RPTOR: variants seen among roughly 807,000 people sequenced by gnomAD.
RPTOR encodes the protein regulatory-associated protein of mTOR.
In RPTOR, 21 loss-of-function variants were observed where a neutral mutation model predicts 169.9. The ratio of observed to expected loss-of-function variants is 0.12; its 90% CI spans 0.09 to 0.18. The LOEUF is 0.18. Ranked by LOEUF, RPTOR falls within the 10% of genes least tolerant of loss-of-function variation. The pLI, the probability that RPTOR is intolerant of heterozygous loss-of-function variation, is 1.00. For missense variants in RPTOR, 1,133 were observed against 1,855.9 expected, an observed-to-expected ratio of 0.61 and a Z score of 7.16; for synonymous variants, 732 against 753.2, an observed-to-expected ratio of 0.97 and a Z score of 0.46.
intron 1 of RPTOR, among the ~76,000 whole-genome samples, chr17:80,565,974 G>A (rs1378589649): frequency 1.3e-5 from 2 of 152,222 alleles, no homozygotes; most frequent in Non-Finnish European, 2.9e-5. Flanking sequence ...TTTCTCATTG[G>A]TTTAAAGTCC....
intron 1 of RPTOR, among the ~76,000 whole-genome samples, chr17:80,550,045 A>G (rs2084325624): frequency 6.6e-6 from 1 of 152,130 alleles, no homozygotes; most frequent in Non-Finnish European, 1.5e-5. Flanking sequence ...CTGTTCAACT[A>G]ATACATGGAC....
chr17:80,846,371 C>A (rs2067730390), intron 10 of RPTOR, 102 bp from the exon 11 acceptor site: 1 of 1,164,038 alleles, frequency 8.6e-7, no homozygotes, highest in Non-Finnish European at 1.3e-6. Flanking sequence ...GCAGGGCGGG[C>A]CCTTCGTGAA....
intron 4 of RPTOR, among the ~76,000 whole-genome samples, chr17:80,712,767 C>T (rs1283462912): frequency 1.3e-5 from 2 of 152,178 alleles, no homozygotes; most frequent in Admixed American, 6.5e-5. Context: ...ATGTCTACGC[C>T]GTTTTGCATT....
intron 1 of RPTOR, among the ~76,000 whole-genome samples, chr17:80,601,453 C>T (rs1041509248): frequency 1.3e-5 from 2 of 152,030 alleles, no homozygotes; most frequent in African/African-American, 2.4e-5. Context: ...GGTCAGGCCC[C>T]GCAGATGGGC....
At chr17:80,888,474 T>C (rs2068275864) in intron 17 of RPTOR, among the ~76,000 whole-genome samples, 1 of 152,204 alleles carries the variant, frequency 6.6e-6, no homozygotes, top group Admixed American at 6.5e-5. Flanking sequence ...AAGACAAATA[T>C]TAGCCAGTGC....
At chr17:80,775,574 C>T (rs1161881128) in intron 6 of RPTOR, among the ~76,000 whole-genome samples, 1 of 152,192 alleles carries the variant, frequency 6.6e-6, no homozygotes, top group Non-Finnish European at 1.5e-5. Context: ...CTTTTTAGCT[C>T]AGAAATACTG....
intron 3 of RPTOR, among the ~76,000 whole-genome samples, chr17:80,666,572 G>A (rs1370884586): frequency 6.6e-6 from 1 of 152,222 alleles, no homozygotes; most frequent in African/African-American, 2.4e-5. Flanking sequence ...CACTTTGCTA[G>A]TTGCTGTGGA....
chr17:80,945,893 A>C, intron 26 of RPTOR, 112 bp downstream of exon 26: 3 of 576,666 alleles, frequency 5.2e-6, no homozygotes, highest in Non-Finnish European at 5.7e-6. Context: ...CAAGGCACTC[A>C]CCCCGAGGCC....
intron 16 of RPTOR, 142 bp downstream of exon 16, chr17:80,884,114 G>A (rs568554462): frequency 3.6e-6 from 3 of 830,952 alleles, no homozygotes; most frequent in East Asian, 5.4e-5. Context: ...AGGACAGTGG[G>A]ACCTTGGTGA....
At chr17:80,919,750 A>T (rs1409986164) in intron 21 of RPTOR, among the ~76,000 whole-genome samples, 1 of 152,170 alleles carries the variant, frequency 6.6e-6, no homozygotes, top group East Asian at 1.9e-4. Flanking sequence ...CTGTTAGCAA[A>T]GTCGTATCTG....
At chr17:80,675,584 T>C (rs1331058543) in intron 3 of RPTOR, among the ~76,000 whole-genome samples, 1 of 152,236 alleles carries the variant, frequency 6.6e-6, no homozygotes, top group African/African-American at 2.4e-5. Flanking sequence ...AGCACGGGCC[T>C]TGGGCGTTGC....
intron 4 of RPTOR, among the ~76,000 whole-genome samples, chr17:80,714,804 A>ATT (rs2066226158): frequency 1.3e-5 from 2 of 152,186 alleles, no homozygotes; most frequent in Non-Finnish European, 2.9e-5. Context: ...ACCCACTGCA[A>ATT]CCTTTGTCTC....
intron 13 of RPTOR, 84 bp downstream of exon 13, chr17:80,857,984 C>T (rs1304041648): frequency 9.3e-7 from 1 of 1,080,052 alleles, no homozygotes; most frequent in South Asian, 1.3e-5. Flanking sequence ...TCCAGCCTGC[C>T]CTTTCTCCAG....
Position 80,949,523 on chromosome 17 carries a change from T to C in RPTOR, c.3346T>C (p.Ser1116Pro). Residue 1116 changes from serine (S) to proline (P), a missense_variant, in exon 28 of 34, where the codon TCG (serine) becomes CCG (proline). Physicochemically the swap from Ser to Pro is moderately conservative, Grantham distance 74. Around this residue, in one of 9 missense-constraint regions of RPTOR, gnomAD observed 410 missense variants for 623.7 expected, o/e 0.66. Coordinates refer to ENST00000306801, the MANE Select transcript of RPTOR (RefSeq NM_020761.3). Reference sequence around the variant, plus strand: ...GATGGTGACCGCGTGGCAGGGGCTCTCGGACATGCTGCCAACGACGCGAGG... The same window carrying C: ...GATGGTGACCGCGTGGCAGGGGCTCCCGGACATGCTGCCAACGACGCGAGG... ...PEMVTAWQGL[S>P]DMLPTTRGAG... The C allele has an allele frequency of 6.2e-7, 1 of 1,614,062 alleles. No homozygotes were observed. The highest frequency in any genetic ancestry group is 8.5e-7 in the Non-Finnish European group (1 of 1,180,024).
At chr17:80,777,974 G>A (rs545380605) in intron 6 of RPTOR, among the ~76,000 whole-genome samples, 6 of 152,326 alleles carry the variant, frequency 3.9e-5, no homozygotes, top group Admixed American at 6.5e-5. Context: ...GCGAGCATCC[G>A]TGGCTGGGGT....
chr17:80,668,255 T>C (rs1598206843), intron 3 of RPTOR, among the ~76,000 whole-genome samples: 1 of 152,200 alleles, frequency 6.6e-6, no homozygotes, highest in South Asian at 2.1e-4. Flanking sequence ...AGAGGTTGCC[T>C]GATAATCTCC....
chr17:80,966,025 C>G lies in RPTOR; in HGVS notation c.*1695C>G, dbSNP rs1405914651. On this transcript the variant is annotated 3_prime_UTR_variant, in exon 34 of 34. Transcript: ENST00000306801. Reference sequence around the variant, plus strand: ...CGCACACGCAGCTTCCCATCCAGTCCTTCAACTCAATTCTTACCCAACACG... The same window carrying G: ...CGCACACGCAGCTTCCCATCCAGTCGTTCAACTCAATTCTTACCCAACACG... 2 of 233,180 alleles carry G rather than the reference C, an allele frequency of 8.6e-6. No homozygotes were observed. Among genetic ancestry groups the G allele is most frequent in the Non-Finnish European group, 8.5e-6 (1 of 118,024 alleles). The allele number at this position is 233,180 out of a possible 1,614,324, so 14.4% of individuals were successfully genotyped here.
intron 33 of RPTOR, among the ~76,000 whole-genome samples, chr17:80,963,337 T>A (rs113285286): frequency 1.1e-4 from 17 of 152,014 alleles, no homozygotes; most frequent in African/African-American, 4.1e-4. Context: ...ACTAAAGCCA[T>A]CCCTGGGGAC....
chr17:80,760,465 C>G (rs1024938812), intron 6 of RPTOR, among the ~76,000 whole-genome samples: 3 of 151,966 alleles, frequency 2.0e-5, no homozygotes, highest in African/African-American at 7.2e-5. Context: ...CCACGCCTGG[C>G]TAATTTTTGT....
Sources: gnomAD v4.1 joint callset for allele counts (sites outside exome capture counted in the v4.1 genomes callset) on GRCh38, gnomAD v4.1.1 for gene constraint, gnomAD v4.1.1 regional missense constraint, MANE v1.5 for transcripts, NCBI Gene and HGNC (gene_info 2026-07-23, HGNC 2026-07-21) for gene names.